Variants in PCDH7 observed in about 807,000 individuals in gnomAD.
The protein encoded by PCDH7 is protocadherin-7.
A neutral mutation model predicts 58.9 loss-of-function variants in PCDH7; 17 were observed. The observed-to-expected ratio is 0.29, with a 90% CI of 0.20 to 0.43. PCDH7 has a LOEUF of 0.43. Among genes scored for constraint, PCDH7 ranks in the 20% least tolerant of loss-of-function variants. The pLI, the probability that PCDH7 is intolerant of heterozygous loss-of-function variation, is 1.00. For synonymous variants in PCDH7, 664 were observed against 616.4 expected, an observed-to-expected ratio of 1.08 and a Z score of -1.14; for missense variants, 1,274 against 1,441.0, an observed-to-expected ratio of 0.88 and a Z score of 1.88.
rs577903359 is a variant in PCDH7, at chr4:30,896,105, T to C, written c.71-24048T>C. 8.5e-5 allele frequency among the ~76,000 whole-genome samples: 13 copies of C among 152,286 alleles called. No individual in the cohort carries two copies. In the South Asian group the frequency reaches 2.7e-3, roughly 32 times the overall value. On this transcript the variant is annotated intron_variant, in intron 1 of 3. Transcript: ENST00000509759. ...CTGAACTCCATGACATAACTACATA[T>C]TCTAATGGCATTTTTTATTTTCCTT...
At chr4:30,972,620 T>C (rs550760532) in intron 3 of PCDH7, among the ~76,000 whole-genome samples, 53 of 152,302 alleles carry the variant, frequency 3.5e-4, no homozygotes, top group Non-Finnish European at 6.8e-4. Context: ...AATGTAATTA[T>C]CCACTACAAC....
intron 1 of PCDH7, among the ~76,000 whole-genome samples, chr4:30,902,917 T>C (rs1335783137): frequency 6.6e-6 from 1 of 152,156 alleles, no homozygotes; most frequent in East Asian, 1.9e-4. Context: ...CAAACCATTT[T>C]TCTCAAGAAA....
intron 3 of PCDH7, among the ~76,000 whole-genome samples, chr4:30,987,303 G>T (rs761107883): frequency 9.9e-5 from 15 of 151,928 alleles, no homozygotes; most frequent in Non-Finnish European, 2.1e-4. Flanking sequence ...TTTATACCAG[G>T]TTTTTACTTG....
rs73815140 is a variant in PCDH7 at position 30,990,013 on chromosome 4, A to G, written c.*7+39798A>G. On this transcript the variant is annotated intron_variant, in intron 3 of 3. Coordinates refer to the PCDH7 transcript ENST00000509759. The stretch of plus-strand genomic sequence containing the variant: ...GAATGCAGAAGTTAATCAGGTTAGA[A>G]TGTTGACAAATACAGACTAATAGAC... 3.7e-3 allele frequency among the ~76,000 whole-genome samples: 561 copies of G among 152,240 alleles called. 3 individuals are homozygous for G. The highest frequency in any genetic ancestry group is 0.013 in the African/African-American group (538 of 41,554).
intron 3 of PCDH7, among the ~76,000 whole-genome samples, chr4:31,076,885 A>G (rs1200468316): frequency 6.6e-6 from 1 of 152,174 alleles, no homozygotes; most frequent in Admixed American, 6.5e-5. Flanking sequence ...TTAGGATAAA[A>G]GGGGATTTTG....
intron 1 of PCDH7, among the ~76,000 whole-genome samples, chr4:30,770,152 A>G (rs1231279243): frequency 6.6e-6 from 1 of 152,212 alleles, no homozygotes; most frequent in East Asian, 1.9e-4. Context: ...CTGTGATTAG[A>G]GAGCTATGAA....
chr4:30,856,919 T>C (rs1430770743), intron 1 of PCDH7, among the ~76,000 whole-genome samples: 1 of 152,000 alleles, frequency 6.6e-6, no homozygotes, highest in Non-Finnish European at 1.5e-5. Flanking sequence ...CAAATAATTT[T>C]GGAAGCTTTT....
intron 2 of PCDH7, among the ~76,000 whole-genome samples, chr4:30,924,893 T>TA (rs989468168): frequency 2.6e-3 from 382 of 148,590 alleles, no homozygotes; most frequent in African/African-American, 7.9e-3. Flanking sequence ...AAAAATAAAT[T>TA]AAAAAAAAAA....
chr4:30,735,002 G>A (rs541750471), downstream of PCDH7, among the ~76,000 whole-genome samples: 3 of 151,994 alleles, frequency 2.0e-5, no homozygotes, highest in African/African-American at 7.3e-5. Context: ...GCAATTCTCT[G>A]ATCTCCCCGC....
chr4:30,722,579 T>C lies in PCDH7; in HGVS notation c.1157T>C (p.Met386Thr), dbSNP rs770448562. 1.4e-5 allele frequency: 23 copies of C among 1,612,784 alleles called. No homozygotes were observed. Among genetic ancestry groups the C allele is most frequent in the Non-Finnish European group, 1.7e-5 (20 of 1,180,008 alleles). ...GTGAACCAGCTGCGCTTCACGGTCA[T>C]GGCCCGCGACCGCGGGCAGCCCCCC... Residue 386 changes from methionine (M) to threonine (T), a missense_variant, in exon 1 of 2, where the codon ATG (methionine) becomes ACG (threonine). Physicochemically the swap from Met to Thr is moderately conservative, Grantham distance 81. Coordinates refer to ENST00000361762, the Ensembl canonical transcript of PCDH7. This position sits in a 1 kb window ranked among gnomAD's most constrained non-coding sequence, Gnocchi z 7.6.
At chr4:30,824,078 C>CT (rs1429608237) in intron 1 of PCDH7, among the ~76,000 whole-genome samples, 1 of 145,950 alleles carries the variant, frequency 6.9e-6, no homozygotes, top group Non-Finnish European at 1.5e-5. Context: ...AGCGGGGTTT[C>CT]TTTTCTTTCT....
chr4:30,940,636 C>T (rs1007358336), intron 2 of PCDH7, among the ~76,000 whole-genome samples: 2 of 151,756 alleles, frequency 1.3e-5, no homozygotes, highest in African/African-American at 4.8e-5. Context: ...TCAAGTTTAC[C>T]CTCCCTTCAA....
At chr4:31,017,606 C>T (rs892830325) in intron 3 of PCDH7, among the ~76,000 whole-genome samples, 3 of 152,050 alleles carry the variant, frequency 2.0e-5, no homozygotes, top group African/African-American at 7.3e-5. Flanking sequence ...TGCACACATA[C>T]CTACATACAC....
At position 30,722,184 on chromosome 4, in the gene PCDH7, C is replaced by G. The variant is rs746180091; in HGVS notation, c.762C>G (p.Gly254=). The G allele has an allele frequency of 6.4e-7, 1 of 1,560,050 alleles. No homozygotes were observed. Among genetic ancestry groups the G allele is most frequent in the East Asian group, 2.4e-5 (1 of 41,510 alleles). The change falls in exon 1 of 2, where the codon GGC becomes GGG. Residue 254 remains glycine, a synonymous_variant. Coordinates refer to ENST00000361762, the Ensembl canonical transcript of PCDH7. This position sits in a 1 kb window ranked among gnomAD's most constrained non-coding sequence, Gnocchi z 7.6. ...TGCAGGTGGCGGACACCCCGGACGGCGAGAAGCAGCCGCAGCTGATCGTGA... is the reference window on the plus strand; with the variant it reads ...TGCAGGTGGCGGACACCCCGGACGGGGAGAAGCAGCCGCAGCTGATCGTGA...
intron 1 of PCDH7, among the ~76,000 whole-genome samples, chr4:30,894,516 T>TACAC (rs55942705): frequency 3.8e-3 from 123 of 32,152 alleles, no homozygotes; most frequent in East Asian, 0.01. Context: ...TATATATATA[T>TACAC]ACACACACAC....
At chr4:30,983,474 A>T (rs1750731570) in intron 3 of PCDH7, among the ~76,000 whole-genome samples, 1 of 152,244 alleles carries the variant, frequency 6.6e-6, no homozygotes, top group Non-Finnish European at 1.5e-5. Context: ...CATTTGTTTA[A>T]TAAAAAGCTA....
intron 1 of PCDH7, among the ~76,000 whole-genome samples, chr4:30,820,274 G>T (rs939115421): frequency 2.0e-5 from 3 of 152,100 alleles, no homozygotes; most frequent in African/African-American, 7.2e-5. Flanking sequence ...CCAGGAGGGG[G>T]CTAGTTTATC....
At chr4:30,923,436 A>G (rs1743441359) in intron 2 of PCDH7, among the ~76,000 whole-genome samples, 1 of 152,168 alleles carries the variant, frequency 6.6e-6, no homozygotes, top group Non-Finnish European at 1.5e-5. Context: ...GATGAATACA[A>G]TTTCATTCAA....
At chr4:31,050,026 T>G (rs1032463852) in intron 3 of PCDH7, among the ~76,000 whole-genome samples, 1 of 152,116 alleles carries the variant, frequency 6.6e-6, no homozygotes, top group African/African-American at 2.4e-5. Context: ...AATGTCTACT[T>G]TATTGGTCAA....
Sources: allele counts gnomAD v4.1 joint callset (sites outside exome capture counted in the v4.1 genomes callset), GRCh38; gene constraint gnomAD v4.1.1; non-coding constraint Gnocchi (gnomAD v3.1); transcripts MANE v1.5; gene names NCBI Gene and HGNC (gene_info 2026-07-23, HGNC 2026-07-21).